The following LPAR6 variants were observed in gnomAD, a reference collection of about 807,000 sequenced individuals.
The protein encoded by LPAR6 is lysophosphatidic acid receptor 6, also known as G-protein coupled purinergic receptor P2Y5.
In LPAR6, 17 loss-of-function variants were observed where a neutral mutation model predicts 22.0. The observed-to-expected ratio is 0.77, with a 90% confidence interval of 0.53 to 1.16. The LOEUF (loss-of-function observed/expected upper bound fraction) is 1.16, where lower values mean the gene tolerates loss of function less well. Ranked by LOEUF, LPAR6 falls within the 50% of genes most tolerant of loss-of-function variation. The pLI is 0.00. For missense variants in LPAR6, 384 were observed against 406.9 expected (o/e 0.94, Z 0.48); for synonymous variants, 136 against 139.8 (o/e 0.97, Z 0.19).
Position 48,440,393 on chromosome 13 carries a change from G to A in LPAR6, c.-1474+4160C>T, listed in dbSNP as rs192598440. Among the ~76,000 whole-genome samples, 6 of 152,232 alleles carry A rather than the reference G, an allele frequency of 3.9e-5. No homozygotes were observed. The East Asian group carries it at 1.2e-3, about 29-fold the overall frequency. ...GTTGATGAAGACATCTTTCTTTTATGTATGATATTGTCTATGTTGGGCCCT... is the reference window on the plus strand; with the variant it reads ...GTTGATGAAGACATCTTTCTTTTATATATGATATTGTCTATGTTGGGCCCT... On this transcript the variant is annotated intron_variant, in intron 1 of 6. Transcript: ENST00000378434.
At chr13:48,420,775 C>G (rs146923294) in intron 2 of LPAR6, among the ~76,000 whole-genome samples, 11 of 152,254 alleles carry the variant, frequency 7.2e-5, no homozygotes, top group East Asian at 5.8e-4. Context: ...CATGAGTGAA[C>G]TCCCATTCAC....
chr13:48,417,630 A>C (rs1948935719), upstream of LPAR6, among the ~76,000 whole-genome samples: 1 of 152,180 alleles, frequency 6.6e-6, no homozygotes, highest in South Asian at 2.1e-4. Flanking sequence ...GGAAGCTAAA[A>C]ACCTTGAAAA....
intron 1 of LPAR6, among the ~76,000 whole-genome samples, chr13:48,439,243 AT>A (rs1392049227): frequency 2.0e-5 from 3 of 152,202 alleles, no homozygotes; most frequent in Non-Finnish European, 4.4e-5. Context: ...TTATGGACGT[AT>A]TTTGAAGATT....
At chr13:48,419,797 A>T (rs975036345) in intron 2 of LPAR6, among the ~76,000 whole-genome samples, 1 of 152,270 alleles carries the variant, frequency 6.6e-6, no homozygotes, top group Non-Finnish European at 1.5e-5. Context: ...GAAGAAATGG[A>T]TAAATTCCTG....
At chr13:48,399,081 T>C (rs1035385114) in intron 1 of LPAR6, among the ~76,000 whole-genome samples, 1 of 152,078 alleles carries the variant, frequency 6.6e-6, no homozygotes, top group African/African-American at 2.4e-5. Context: ...AATGAGAATT[T>C]ACTATAAGTG....
At chr13:48,417,543 C>T (rs1295862777), upstream of LPAR6, among the ~76,000 whole-genome samples, 7 of 152,080 alleles carry the variant, frequency 4.6e-5, no homozygotes, top group Non-Finnish European at 7.4e-5. Context: ...CACAACTCCT[C>T]GCCAGCAAGG....
intron 1 of LPAR6, among the ~76,000 whole-genome samples, chr13:48,393,731 A>G (rs968315308): frequency 3.3e-5 from 5 of 152,216 alleles, no homozygotes; most frequent in Non-Finnish European, 7.3e-5. Context: ...GGTGCTTACT[A>G]TATGGAGAAC....
At chr13:48,407,701 T>G (rs1948752523), downstream of LPAR6, among the ~76,000 whole-genome samples, 1 of 152,186 alleles carries the variant, frequency 6.6e-6, no homozygotes, top group African/African-American at 2.4e-5. Context: ...AATTTGTAAT[T>G]TATTTCTTAG....
intron 1 of LPAR6, among the ~76,000 whole-genome samples, chr13:48,443,625 T>TTTTGC (rs1949259402): frequency 6.6e-6 from 1 of 152,172 alleles, no homozygotes; most frequent in African/African-American, 2.4e-5. Flanking sequence ...AAAAGACACA[T>TTTTGC]CATTCTATTT....
At chr13:48,435,932 C>CTAG (rs1949178827) in intron 1 of LPAR6, among the ~76,000 whole-genome samples, 1 of 152,120 alleles carries the variant, frequency 6.6e-6, no homozygotes, top group Non-Finnish European at 1.5e-5. Context: ...AATGTCAGTG[C>CTAG]TCTAAGCAGC....
intron 1 of LPAR6, among the ~76,000 whole-genome samples, chr13:48,439,440 G>A (rs1260329500): frequency 6.6e-6 from 1 of 152,082 alleles, no homozygotes; most frequent in Non-Finnish European, 1.5e-5. Flanking sequence ...ATTAATCATA[G>A]TTATCGAAAT....
At position 48,411,683 on chromosome 13, in the gene LPAR6, G is replaced by T; in HGVS notation, c.741C>A (p.Ile247=). Residue 247 remains isoleucine (I), a synonymous_variant, in exon 1 of 1, where the codon ATC becomes ATA. Coordinates refer to ENST00000620633, the MANE Select transcript of LPAR6 (RefSeq NM_001162498.3). ...IFCFCFVPYN[I]NLILYSLVRT... is the part of the protein sequence containing the mutation. Reference sequence around the variant, plus strand: ...TCACAAGAGAATATAAAATAAGATTGATATTGTAAGGAACAAAACAGAAAC... The same window carrying T: ...TCACAAGAGAATATAAAATAAGATTTATATTGTAAGGAACAAAACAGAAAC... 7 of 1,609,186 alleles carry T rather than the reference G, an allele frequency of 4.4e-6. No homozygotes were observed. The highest frequency in any genetic ancestry group is 6.0e-6 in the Non-Finnish European group (7 of 1,175,870).
chr13:48,416,186 A>G (rs1948905740), upstream of LPAR6: 1 of 152,224 alleles, frequency 6.6e-6, no homozygotes, highest in Non-Finnish European at 1.5e-5. Flanking sequence ...TCCCAGCGAA[A>G]TCAACGCAGA....
chr13:48,392,272 G>A (rs573098517), intron 1 of LPAR6, among the ~76,000 whole-genome samples: 2 of 151,786 alleles, frequency 1.3e-5, no homozygotes, highest in Admixed American at 6.6e-5. Context: ...CACCATGCCC[G>A]GCTAATTTTT....
downstream of LPAR6, among the ~76,000 whole-genome samples, chr13:48,409,952 A>G (rs1292408313): frequency 6.6e-6 from 1 of 152,146 alleles, no homozygotes; most frequent in Non-Finnish European, 1.5e-5. Context: ...TTTCTAAAGT[A>G]TACCTCAGAG....
At chr13:48,421,607 C>T (rs933417745) in intron 2 of LPAR6, among the ~76,000 whole-genome samples, 9 of 152,202 alleles carry the variant, frequency 5.9e-5, no homozygotes, top group South Asian at 2.1e-4. Context: ...AAAATTTTTG[C>T]GATCTATCCA....
upstream of LPAR6, among the ~76,000 whole-genome samples, chr13:48,416,909 A>AG (rs952276805): frequency 7.9e-5 from 12 of 152,206 alleles, no homozygotes; most frequent in Non-Finnish European, 1.8e-4. Context: ...AAAAGGCAGC[A>AG]GCCCCAGTCA....
At chr13:48,414,011 TA>T (rs1271950649), upstream of LPAR6, among the ~76,000 whole-genome samples, 2 of 152,176 alleles carry the variant, frequency 1.3e-5, no homozygotes, top group Admixed American at 6.5e-5. Flanking sequence ...TGTCTCCATC[TA>T]AAAGTTTCTA....
downstream of LPAR6, among the ~76,000 whole-genome samples, chr13:48,406,929 G>C (rs912404913): frequency 1.3e-5 from 2 of 152,130 alleles, no homozygotes; most frequent in African/African-American, 4.8e-5. Context: ...TTCTTACCCT[G>C]GCGCTACATT....
Sources: allele counts gnomAD v4.1 joint callset (sites outside exome capture counted in the v4.1 genomes callset), GRCh38; gene constraint gnomAD v4.1.1; transcripts MANE v1.5; gene names NCBI Gene and HGNC (gene_info 2026-07-23, HGNC 2026-07-21).